SPACA1: variants seen among roughly 807,000 people sequenced by gnomAD.
The protein encoded by SPACA1 is sperm acrosome membrane-associated protein 1.
In SPACA1, 17 loss-of-function variants were observed where a neutral mutation model predicts 32.6. The observed-to-expected ratio is 0.52, with a 90% CI of 0.36 to 0.78. The LOEUF (loss-of-function observed/expected upper bound fraction) is 0.78. SPACA1 is among the 30% of genes least tolerant of loss of function. The pLI is 0.01. For missense variants in SPACA1, 363 were observed against 373.4 expected (o/e 0.97, Z 0.23); for synonymous variants, 140 against 138.1 (o/e 1.01, Z -0.10).
chr6:88,063,789 A>T (rs556675507), intron 5 of SPACA1, among the ~76,000 whole-genome samples: 15 of 152,310 alleles, frequency 9.8e-5, no homozygotes, highest in African/African-American at 2.4e-4. Flanking sequence ...GACATTTGCA[A>T]ATTATATTGA....
chr6:88,057,551 T>C (rs1249571081), intron 2 of SPACA1, 61 bp from the exon 3 acceptor site: 3 of 1,148,268 alleles, frequency 2.6e-6, no homozygotes, highest in African/African-American at 1.5e-5. Context: ...GGTGGGAAAG[T>C]GAAGACACTC....
chr6:88,047,281 T>G (rs1038588606), upstream of SPACA1, among the ~76,000 whole-genome samples: 3 of 152,224 alleles, frequency 2.0e-5, no homozygotes, highest in Non-Finnish European at 4.4e-5. Context: ...TCTTAATCTC[T>G]TCACTTAAAA....
At chr6:88,055,680 A>T (rs1775795832) in intron 2 of SPACA1, among the ~76,000 whole-genome samples, 1 of 152,228 alleles carries the variant, frequency 6.6e-6, no homozygotes. Flanking sequence ...ACATAAAATA[A>T]CTGCTTTAAG....
intron 6 of SPACA1, among the ~76,000 whole-genome samples, chr6:88,065,886 A>G (rs989793678): frequency 6.6e-6 from 1 of 151,886 alleles, no homozygotes; most frequent in African/African-American, 2.4e-5. Context: ...TTACCATTTT[A>G]AAGTATACAG....
At chr6:88,047,649 G>T (rs563738138), upstream of SPACA1, 11 of 413,944 alleles carry the variant, frequency 2.7e-5, no homozygotes, top group South Asian at 7.0e-4. Context: ...GCGGGGAAGG[G>T]CGGCGTCCTC....
chr6:88,053,934 CT>C lies in SPACA1; in HGVS notation c.209-9del. 6.2e-7 allele frequency: 1 copy of C among 1,610,802 alleles called. No individual in the cohort carries two copies. Among genetic ancestry groups the C allele is most frequent in the Non-Finnish European group, 8.5e-7 (1 of 1,177,644 alleles). ...TATAATTAAATAATGTATCTTTACCCTTTATGTTTAGTTTCAAATAGGAATG... is the reference window on the plus strand; with the variant it reads ...TATAATTAAATAATGTATCTTTACCCTTATGTTTAGTTTCAAATAGGAATG... On this transcript the variant is annotated splice_polypyrimidine_tract_variant and intron_variant, in intron 1 of 6. Transcript: ENST00000237201.
intron 6 of SPACA1, among the ~76,000 whole-genome samples, 169 bp from the exon 7 acceptor site, chr6:88,066,013 G>A (rs1225190423): frequency 6.6e-6 from 1 of 151,528 alleles, no homozygotes; most frequent in Non-Finnish European, 1.5e-5. Context: ...CAGGTTATAT[G>A]TATTTGTATA....
intron 1 of SPACA1, among the ~76,000 whole-genome samples, chr6:88,048,570 T>C (rs1289940187): frequency 6.6e-6 from 1 of 152,110 alleles, no homozygotes; most frequent in African/African-American, 2.4e-5. Context: ...GATAGACCAG[T>C]ATGCCGACAA....
chr6:88,047,952 T>A lies in SPACA1; in HGVS notation c.47T>A (p.Val16Asp). ...TGCTCCGCCGGGCTGCTGATGACTG[T>A]CGGCTGGCTGCTTCTGGCGGGCCTC... ...TGCSAGLLMT[V>D]GWLLLAGLQS... The change falls in exon 1 of 7, where the codon GTC becomes GAC. Residue 16 changes from valine to aspartate, a missense_variant. By Grantham distance (152) the Val-to-Asp change is radical (BLOSUM62 -3). Transcript: ENST00000237201. 6.4e-7 allele frequency: 1 copy of A among 1,570,838 alleles called. No homozygotes were observed. The highest frequency in any genetic ancestry group is 8.6e-7 in the Non-Finnish European group (1 of 1,158,908).
At position 88,052,631 on chromosome 6, in the gene SPACA1, G is replaced by A. The variant is rs1345928099; in HGVS notation, c.209-1315G>A. Among the ~76,000 whole-genome samples the A allele has an allele frequency of 6.6e-5, 10 of 152,266 alleles. 1 individual carries two copies. In the South Asian group the frequency reaches 1.2e-3, roughly 19 times the overall value. ...GCTGGTGGATCACTTGAGGTCAGGA[G>A]TTTGAGACCAGCCTGGCCAACATGG... On this transcript the variant is annotated intron_variant, in intron 1 of 6. Transcript: ENST00000237201.
At chr6:88,047,832 G>GCTCTCTTCGACGTAC (rs1402512063), upstream of SPACA1, 1 of 1,390,634 alleles carries the variant, frequency 7.2e-7, no homozygotes, top group African/African-American at 1.5e-5. Flanking sequence ...GGGTGTCGCA[G>GCTCTCTTCGACGTAC]CTCTCTTCGA....
At position 88,047,859 on chromosome 6, in the gene SPACA1, A is replaced by T. The variant is rs1257169704; in HGVS notation, c.-47A>T. ...TCTCTTCGACGTACCTGTCCTCAGG[A>T]GCCGCGGCGGCGACTGCGCCTCGGA... On this transcript the variant is annotated 5_prime_UTR_variant, in exon 1 of 7. Coordinates refer to ENST00000237201, the MANE Select transcript of SPACA1 (RefSeq NM_030960.3). The T allele has an allele frequency of 2.0e-6, 3 of 1,476,468 alleles. No individual in the cohort carries two copies. Among genetic ancestry groups the T allele is most frequent in the African/African-American group, 2.8e-5 (2 of 71,086 alleles). 91.5% of individuals were successfully genotyped at this position (1,476,468 alleles called of 1,614,324 possible).
At chr6:88,059,615 G>C (rs769308283) in intron 5 of SPACA1, 27 bp downstream of exon 5, 9 of 1,580,118 alleles carry the variant, frequency 5.7e-6, no homozygotes, top group Middle Eastern at 1.7e-4. Context: ...GTCTTGGTTT[G>C]CTTATATGCC....
chr6:88,064,794 T>G, intron 6 of SPACA1, among the ~76,000 whole-genome samples: 1 of 148,502 alleles, frequency 6.7e-6, no homozygotes, highest in South Asian at 2.1e-4. Context: ...TATGTACATA[T>G]AATGTATATA....
At chr6:88,055,907 G>C (rs932594647) in intron 2 of SPACA1, among the ~76,000 whole-genome samples, 3 of 152,126 alleles carry the variant, frequency 2.0e-5, no homozygotes, top group African/African-American at 4.8e-5. Flanking sequence ...GGAGGTGGAG[G>C]TTGCGTGAAC....
chr6:88,052,993 ATGTT>A (rs1775752483), intron 1 of SPACA1, among the ~76,000 whole-genome samples: 2 of 152,224 alleles, frequency 1.3e-5, no homozygotes, highest in African/African-American at 4.8e-5. Context: ...TATCTTAAGT[ATGTT>A]TGTAGTACTA....
Position 88,064,133 on chromosome 6 carries a change from T to C in SPACA1, c.645T>C (p.Thr215=). Residue 215 remains threonine (T), a synonymous_variant, in exon 6 of 7, where the codon ACT becomes ACC. Coordinates refer to ENST00000237201, the MANE Select transcript of SPACA1 (RefSeq NM_030960.3). ...TGAGAAGATCAAGCCTACCAGCCAC[T>C]GATGCAGCCCTAATTTTTGTGCTGA... ...LQMRRSSLPA[T]DAALIFVLTI... The C allele has an allele frequency of 1.2e-6, 2 of 1,613,372 alleles. No individual in the cohort carries two copies. Among genetic ancestry groups the C allele is most frequent in the Non-Finnish European group, 1.7e-6 (2 of 1,179,566 alleles).
intron 2 of SPACA1, among the ~76,000 whole-genome samples, chr6:88,055,429 T>C (rs1775792410): frequency 6.6e-6 from 1 of 152,032 alleles, no homozygotes; most frequent in Admixed American, 6.5e-5. Context: ...TAATAAGTTA[T>C]AAGGAAAAAA....
intron 5 of SPACA1, 33 bp from the exon 6 acceptor site, chr6:88,064,066 G>T (rs775855561): frequency 6.3e-7 from 1 of 1,598,626 alleles, no homozygotes; most frequent in South Asian, 1.1e-5. Context: ...TTCCTCAGTA[G>T]TAATACTCCT....
Sources: allele counts gnomAD v4.1 joint callset (sites outside exome capture counted in the v4.1 genomes callset), GRCh38; gene constraint gnomAD v4.1.1; transcripts MANE v1.5; gene names NCBI Gene and HGNC (gene_info 2026-07-23, HGNC 2026-07-21).